SLC23A1: variants seen among roughly 807,000 people sequenced by gnomAD.
SLC23A1 encodes the protein Na(+)/L-ascorbic acid transporter 1.
A neutral mutation model predicts 62.5 loss-of-function variants in SLC23A1; 31 were observed. The ratio of observed to expected loss-of-function variants is 0.50; its 90% CI spans 0.37 to 0.67. The LOEUF (loss-of-function observed/expected upper bound fraction) is 0.67. SLC23A1 is among the 30% of genes least tolerant of loss of function. The pLI is 0.00. For synonymous variants in SLC23A1, 271 were observed against 313.2 expected, an observed-to-expected ratio of 0.87 and a Z score of 1.42; for missense variants, 640 against 782.7, an observed-to-expected ratio of 0.82 and a Z score of 2.18.
Position 139,380,217 on chromosome 5 carries a change from A to T in SLC23A1, c.638T>A (p.Ile213Asn). The part of the protein sequence containing the change: ...AGDRAGSHWG[I>N]SACSILLIIL... ...CCTGGTGCCTGCTCACCAAGCTGAGATGCCCCAGTGGGAGCCAGCTCGGTC... is the reference window on the plus strand; with the variant it reads ...CCTGGTGCCTGCTCACCAAGCTGAGTTGCCCCAGTGGGAGCCAGCTCGGTC... The change falls in exon 6 of 15, where the codon ATC (isoleucine) becomes AAC (asparagine). Residue 213 changes from isoleucine to asparagine, a missense_variant. Transcript: ENST00000348729. The T allele has an allele frequency of 6.4e-7, 1 of 1,559,178 alleles. No individual in the cohort carries two copies. The highest frequency in any genetic ancestry group is 8.7e-7 in the Non-Finnish European group (1 of 1,151,338).
Position 139,378,742 on chromosome 5 carries a change from C to T in SLC23A1, c.1074-58G>A. On this transcript the variant is annotated intron_variant, in intron 9 of 14. Coordinates refer to ENST00000348729, the MANE Select transcript of SLC23A1 (RefSeq NM_005847.5). The surrounding 1 kb of genome is among the most constrained non-coding windows in gnomAD (Gnocchi z 4.5). Reference sequence around the variant, plus strand: ...AGCCTCTGCACCAGTCTGTGTTCCCCCATCATCTTAGCAAGCTGCCGTCCT... The same window carrying T: ...AGCCTCTGCACCAGTCTGTGTTCCCTCATCATCTTAGCAAGCTGCCGTCCT... 7.6e-7 allele frequency: 1 copy of T among 1,312,756 alleles called. No homozygotes were observed. 81.3% of individuals were successfully genotyped at this position (1,312,756 alleles called of 1,614,324 possible).
intron 14 of SLC23A1, among the ~76,000 whole-genome samples, chr5:139,368,273 G>T (rs1044850954): frequency 6.6e-6 from 1 of 152,204 alleles, no homozygotes; most frequent in Non-Finnish European, 1.5e-5. Flanking sequence ...CCGGGAGGCG[G>T]AGCTTGCAGT....
At chr5:139,367,980 G>A (rs766077428) in intron 14 of SLC23A1, among the ~76,000 whole-genome samples, 8 of 151,678 alleles carry the variant, frequency 5.3e-5, no homozygotes, top group Non-Finnish European at 1.0e-4. Flanking sequence ...GAGGCAGGCA[G>A]ATCACGAGGT....
chr5:139,380,084 C>T lies in SLC23A1; in HGVS notation c.648-8G>A, dbSNP rs561634718. The T allele has an allele frequency of 3.7e-6, 6 of 1,604,220 alleles. No homozygotes were observed. Among genetic ancestry groups the T allele is most frequent in the South Asian group, 1.1e-5 (1 of 89,798 alleles). On this transcript the variant is annotated splice_region_variant and splice_polypyrimidine_tract_variant and intron_variant, in intron 6 of 14. Coordinates refer to ENST00000348729, the MANE Select transcript of SLC23A1 (RefSeq NM_005847.5). Reference sequence around the variant, plus strand: ...ATGATCAGGAGAATGGAGCTGGGGGCAGAGGCACAATCAGGAAGTGGATGG... The same window carrying T: ...ATGATCAGGAGAATGGAGCTGGGGGTAGAGGCACAATCAGGAAGTGGATGG...
In SLC23A1 at chr5:139,379,458, C is replaced by G. The variant is rs574516589; in HGVS notation, c.926-104G>C. 2 of 1,228,050 alleles carry G rather than the reference C, an allele frequency of 1.6e-6. No individual in the cohort carries two copies. Among genetic ancestry groups the G allele is most frequent in the African/African-American group, 3.0e-5 (2 of 67,380 alleles). 76.1% of individuals were successfully genotyped at this position (1,228,050 alleles called of 1,614,324 possible). A position where few individuals can be genotyped will look rare whatever the true frequency, so the allele number is the denominator to read the frequency against. On this transcript the variant is annotated intron_variant, in intron 8 of 14. Coordinates refer to ENST00000348729, the MANE Select transcript of SLC23A1 (RefSeq NM_005847.5). The surrounding 1 kb of genome is among the most constrained non-coding windows in gnomAD (Gnocchi z 4.7). ...GGAGCAAGAGCAGATCAGGAGACCTCAGGCTGGGATGGGAGCTATACAGTT... is the reference window on the plus strand; with the variant it reads ...GGAGCAAGAGCAGATCAGGAGACCTGAGGCTGGGATGGGAGCTATACAGTT...
At chr5:139,383,169 CCCCCCACCCCCCCTGCCCCCCCTA>C in intron 1 of SLC23A1, 25 bp downstream of exon 1, 1 of 226,458 alleles carries the variant, frequency 4.4e-6, no homozygotes, top group Non-Finnish European at 7.2e-6. Context: ...GGCCCTCCAG[CCCCCCACCCCCCCTGCCCCCCCTA>C]GCCCCCACCC....
At chr5:139,382,981 T>C (rs1183135261) in intron 1 of SLC23A1, among the ~76,000 whole-genome samples, 1 of 152,214 alleles carries the variant, frequency 6.6e-6, no homozygotes, top group Admixed American at 6.5e-5. Flanking sequence ...GGGGTGTCAC[T>C]GGCCGGGAGA....
chr5:139,383,762 G>T (rs1758401366), upstream of SLC23A1, among the ~76,000 whole-genome samples: 1 of 152,250 alleles, frequency 6.6e-6, no homozygotes, highest in African/African-American at 2.4e-5. Context: ...GTGCTGGGCG[G>T]TATTAACCCC....
rs754713398 is a variant in SLC23A1, at chr5:139,379,307, A to ACATT, written c.969_972dup (p.Phe325AsnfsTer11). The ACATT allele has an allele frequency of 3.7e-6, 6 of 1,614,060 alleles. No homozygotes were observed. Among genetic ancestry groups the ACATT allele is most frequent in the Non-Finnish European group, 5.1e-6 (6 of 1,180,012 alleles). ...ATGATGCCTGCCAGAGTGGCGCTGA[A>ACATT]CATTCCCAGGACAGCAGCCGCAGTC... On this transcript the variant is annotated frameshift_variant, in exon 9 of 15. Coordinates refer to ENST00000348729, the MANE Select transcript of SLC23A1 (RefSeq NM_005847.5). LOFTEE classifies it high-confidence loss of function. This position sits in a 1 kb window ranked among gnomAD's most constrained non-coding sequence, Gnocchi z 4.7.
At position 139,380,260 on chromosome 5, in the gene SLC23A1, C is replaced by G. The variant is rs1758178753; in HGVS notation, c.595G>C (p.Val199Leu). ...GCTCGGTCGCCAGCAGCTTGGAAGACAGAAAGGCCAATGAGGGAGACAGTG... is the reference window on the plus strand; with the variant it reads ...GCTCGGTCGCCAGCAGCTTGGAAGAGAGAAAGGCCAATGAGGGAGACAGTG... The part of the protein sequence containing the change: ...TPTVSLIGLS[V>L]FQAAGDRAGS... The change falls in exon 6 of 15, where the codon GTC becomes CTC. Residue 199 changes from valine to leucine, a missense_variant. By Grantham distance (32) the Val-to-Leu change is conservative. Transcript: ENST00000348729. The G allele has an allele frequency of 1.3e-6, 2 of 1,577,342 alleles. No individual in the cohort carries two copies. The highest frequency in any genetic ancestry group is 1.4e-5 in the African/African-American group (1 of 74,050).
chr5:139,384,988 CA>C (rs1758455879), upstream of SLC23A1, among the ~76,000 whole-genome samples: 2 of 152,130 alleles, frequency 1.3e-5, no homozygotes, highest in Admixed American at 1.3e-4. Context: ...CTGGAGTGGC[CA>C]GGGCCTGCCC....
upstream of SLC23A1, among the ~76,000 whole-genome samples, chr5:139,383,947 T>G (rs1758409122): frequency 6.6e-6 from 1 of 152,218 alleles, no homozygotes; most frequent in African/African-American, 2.4e-5. Context: ...CAGGCAGAGC[T>G]GCCTAGGCTG....
Position 139,380,208 on chromosome 5 carries a change from C to T in SLC23A1, c.647G>A (p.Cys216Tyr). 6.4e-7 allele frequency: 1 copy of T among 1,557,608 alleles called. No homozygotes were observed. The highest frequency in any genetic ancestry group is 2.4e-5 in the East Asian group (1 of 41,284). Residue 216 changes from cysteine (C) to tyrosine (Y), a missense_variant and splice_region_variant, in exon 6 of 15, where the codon TGC becomes TAC. By Grantham distance (194) the Cys-to-Tyr change is radical (BLOSUM62 -2). Transcript: ENST00000348729. ...RAGSHWGISA[C>Y]SILLIILFSQ... Reference sequence around the variant, plus strand: ...GGGATCAGGCCTGGTGCCTGCTCACCAAGCTGAGATGCCCCAGTGGGAGCC... The same window carrying T: ...GGGATCAGGCCTGGTGCCTGCTCACTAAGCTGAGATGCCCCAGTGGGAGCC...
intron 13 of SLC23A1, among the ~76,000 whole-genome samples, chr5:139,374,744 C>G (rs569185981): frequency 6.6e-6 from 1 of 152,262 alleles, no homozygotes; most frequent in South Asian, 2.1e-4. Flanking sequence ...TCAGGCAGTT[C>G]TGCAGCTGTT....
chr5:139,379,664 G>C lies in SLC23A1; in HGVS notation c.925+14C>G. The C allele has an allele frequency of 6.2e-7, 1 of 1,602,622 alleles. No individual in the cohort carries two copies. Among genetic ancestry groups the C allele is most frequent in the Non-Finnish European group, 8.5e-7 (1 of 1,173,558 alleles). On this transcript the variant is annotated intron_variant, in intron 8 of 14. Coordinates refer to ENST00000348729, the MANE Select transcript of SLC23A1 (RefSeq NM_005847.5). This position sits in a 1 kb window ranked among gnomAD's most constrained non-coding sequence, Gnocchi z 4.7. ...CTCAGTTGGGGGCAGAGGGGCCCAA[G>C]GGGTGTTGCTCACAGGGGTAGGGGA...
At chr5:139,384,664 T>A, upstream of SLC23A1, 1 of 1,211,248 alleles carries the variant, frequency 8.3e-7, no homozygotes, top group South Asian at 1.5e-5. Flanking sequence ...CCATGGACAC[T>A]CAATTCAACC....
intron 14 of SLC23A1, chr5:139,368,720 A>G (rs1459037871): frequency 6.2e-7 from 1 of 1,601,766 alleles, no homozygotes; most frequent in Non-Finnish European, 8.5e-7. Flanking sequence ...TTTTTTATGT[A>G]CTTATTTTCC....
chr5:139,384,940 T>G (rs1581387807), upstream of SLC23A1, among the ~76,000 whole-genome samples: 1 of 151,990 alleles, frequency 6.6e-6, no homozygotes. Context: ...CTGGAACAGG[T>G]GAAGGATGGA....
intron 13 of SLC23A1, among the ~76,000 whole-genome samples, chr5:139,374,256 G>A (rs940734040): frequency 1.3e-5 from 2 of 152,146 alleles, no homozygotes; most frequent in African/African-American, 4.8e-5. Context: ...CTCTGGATAG[G>A]TAAAGACAAA....
Sources: allele counts gnomAD v4.1 joint callset (sites outside exome capture counted in the v4.1 genomes callset), GRCh38; gene constraint gnomAD v4.1.1; non-coding constraint Gnocchi (gnomAD v3.1); transcripts MANE v1.5; gene names NCBI Gene and HGNC (gene_info 2026-07-23, HGNC 2026-07-21).